Variants in CRAMP1 observed in about 807,000 individuals in gnomAD.
CRAMP1 encodes cramped chromatin regulator 1.
CRAMP1 carries 50 observed loss-of-function variants against 115.4 expected under a neutral mutation model. The observed-to-expected ratio is 0.43, with a 90% CI of 0.35 to 0.55. CRAMP1 has a LOEUF of 0.55. CRAMP1 is among the 20% of genes least tolerant of loss of function. The pLI is 0.01. For missense variants in CRAMP1, 1,679 were observed against 1,721.7 expected (o/e 0.98, Z 0.44); for synonymous variants, 866 against 745.4 (o/e 1.16, Z -2.64).
intron 10 of CRAMP1, among the ~76,000 whole-genome samples, chr16:1,659,671 G>A (rs1265484603): frequency 3.3e-5 from 5 of 152,226 alleles, no homozygotes; most frequent in Admixed American, 1.3e-4. Flanking sequence ...ACAGGCGTGA[G>A]CCACCGCACC....
At position 1,656,888 on chromosome 16, in the gene CRAMP1, G is replaced by A. The variant is rs545529729; in HGVS notation, c.2131G>A (p.Gly711Ser). Residue 711 changes from glycine (G) to serine (S), a missense_variant, in exon 10 of 21, where the codon GGC becomes AGC. Gly to Ser is a moderately conservative substitution (Grantham distance 56). Coordinates refer to ENST00000397412, the MANE Select transcript of CRAMP1 (RefSeq NM_020825.4). This position sits in a 1 kb window ranked among gnomAD's most constrained non-coding sequence, Gnocchi z 5.6. ...GCTGGAGTACGACTGGCTGGGGCCC[G>A]GCCGCCAGGACCCCCGCCCCGGCTC... is the stretch of plus-strand genomic sequence containing the variant. ...LQLEYDWLGP[G>S]RQDPRPGSLP... is the part of the protein sequence containing the mutation. 38 of 1,550,958 alleles carry A rather than the reference G, an allele frequency of 2.5e-5. No individual in the cohort carries two copies. Among genetic ancestry groups the A allele is most frequent in the African/African-American group, 1.1e-4 (8 of 73,130 alleles).
At position 1,675,725 on chromosome 16, in the gene CRAMP1, C is replaced by T. The variant is rs992634500; in HGVS notation, c.*1680C>T. On this transcript the variant is annotated 3_prime_UTR_variant, in exon 21 of 21. Coordinates refer to ENST00000397412, the MANE Select transcript of CRAMP1 (RefSeq NM_020825.4). ...GCAAGAGCTTCCTTCTTTTGTCTCACGAGTTTTTCTTAGAGCTCTTGCCTG... is the reference window on the plus strand; with the variant it reads ...GCAAGAGCTTCCTTCTTTTGTCTCATGAGTTTTTCTTAGAGCTCTTGCCTG... 2 of 152,278 alleles carry T rather than the reference C, an allele frequency of 1.3e-5. No homozygotes were observed. Among genetic ancestry groups the T allele is most frequent in the Non-Finnish European group, 2.9e-5 (2 of 68,072 alleles). The allele number at this position is 152,278 out of a possible 1,614,324, so 9.4% of individuals were successfully genotyped here.
chr16:1,614,055 A>C lies in CRAMP1; in HGVS notation c.-1-584A>C, dbSNP rs185269714. On this transcript the variant is annotated intron_variant, in intron 1 of 20. Coordinates refer to ENST00000397412, the MANE Select transcript of CRAMP1 (RefSeq NM_020825.4). This position sits in a 1 kb window ranked among gnomAD's most constrained non-coding sequence, Gnocchi z 4.4. ...GCCTCCTCTGTCCTCCTCCAGGGCCAGCTCTGGGGGCCGGCGCGTGGGGCA... is the reference window on the plus strand; with the variant it reads ...GCCTCCTCTGTCCTCCTCCAGGGCCCGCTCTGGGGGCCGGCGCGTGGGGCA... 0.011 allele frequency among the ~76,000 whole-genome samples: 1,467 copies of C among 137,240 alleles called. 30 individuals carry two copies. The highest frequency in any genetic ancestry group is 0.038 in the African/African-American group (1,397 of 36,962). The allele number at this position is 137,240 out of a possible 152,430, so 90.0% of individuals were successfully genotyped here. A position where few individuals can be genotyped will look rare whatever the true frequency, so the allele number is the denominator to read the frequency against.
At position 1,676,406 on chromosome 16, in the gene CRAMP1, A is replaced by G. The variant is rs2036968371; in HGVS notation, c.*2361A>G. On this transcript the variant is annotated 3_prime_UTR_variant, in exon 21 of 21. Coordinates refer to ENST00000397412, the MANE Select transcript of CRAMP1 (RefSeq NM_020825.4). ...CATTTGCTTGCCACATTAAGGGAAA[A>G]TGGTGTCATTTGTTGCAGAAAAACA... The G allele has an allele frequency of 6.6e-6, 1 of 152,242 alleles. No individual in the cohort carries two copies. The highest frequency in any genetic ancestry group is 1.5e-5 in the Non-Finnish European group (1 of 68,032). The allele number at this position is 152,242 out of a possible 1,614,324, so 9.4% of individuals were successfully genotyped here.
Position 1,656,750 on chromosome 16 carries a change from C to T in CRAMP1, c.1993C>T (p.Pro665Ser), listed in dbSNP as rs368418963. ...TGCCGCCAGGCCCCCGAAGGAGGTC[C>T]CCGCCAGCCGGCTGGCTCAGCAGCT... ...QPAARPPKEV[P>S]ASRLAQQLRE... Residue 665 changes from proline (P) to serine (S), a missense_variant, in exon 10 of 21, where the codon CCC (proline) becomes TCC (serine). Physicochemically the swap from Pro to Ser is moderately conservative, Grantham distance 74. Around this residue, in one of 8 missense-constraint regions of CRAMP1, gnomAD observed 405 missense variants for 302.6 expected, o/e 1.34. Coordinates refer to ENST00000397412, the MANE Select transcript of CRAMP1 (RefSeq NM_020825.4). This position sits in a 1 kb window ranked among gnomAD's most constrained non-coding sequence, Gnocchi z 5.6. The T allele has an allele frequency of 5.1e-5, 79 of 1,548,778 alleles. No homozygotes were observed. In the East Asian group the frequency reaches 5.9e-4, roughly 12 times the overall value.
At chr16:1,652,650 T>C in intron 7 of CRAMP1, 69 bp downstream of exon 7, 1 of 1,379,508 alleles carries the variant, frequency 7.2e-7, no homozygotes, top group Middle Eastern at 2.2e-4. Context: ...ATGGGCAGGC[T>C]GAGCTACCGG....
intron 13 of CRAMP1, among the ~76,000 whole-genome samples, chr16:1,663,531 C>T (rs184681580): frequency 1.6e-4 from 24 of 152,262 alleles, no homozygotes; most frequent in Admixed American, 1.6e-3. Context: ...AAAACTATGG[C>T]CCAGGGACCA....
intron 6 of CRAMP1, among the ~76,000 whole-genome samples, chr16:1,651,389 G>T (rs549446138): frequency 1.3e-5 from 2 of 151,734 alleles, no homozygotes; most frequent in East Asian, 2.0e-4. Context: ...TGGACTGAGA[G>T]GTCACGGAGA....
rs1278554804 is a variant in CRAMP1 at position 1,672,739 on chromosome 16, T to C, written c.3646-1142T>C. ...ATGGCCCCTGTCCTCATGAGGCTTCTACTCTAGAGCAGGACGCAGACAATA... is the reference window on the plus strand; with the variant it reads ...ATGGCCCCTGTCCTCATGAGGCTTCCACTCTAGAGCAGGACGCAGACAATA... On this transcript the variant is annotated intron_variant, in intron 20 of 20. Coordinates refer to ENST00000397412, the MANE Select transcript of CRAMP1 (RefSeq NM_020825.4). This position sits in a 1 kb window ranked among gnomAD's most constrained non-coding sequence, Gnocchi z 4.9. 6.6e-6 allele frequency among the ~76,000 whole-genome samples: 1 copy of C among 152,160 alleles called. No homozygotes were observed. Among genetic ancestry groups the C allele is most frequent in the Non-Finnish European group, 1.5e-5 (1 of 68,010 alleles).
At position 1,656,150 on chromosome 16, in the gene CRAMP1, C is replaced by G; in HGVS notation, c.1393C>G (p.Arg465Gly). 1.9e-6 allele frequency: 3 copies of G among 1,607,310 alleles called. No homozygotes were observed. The highest frequency in any genetic ancestry group is 2.5e-6 in the Non-Finnish European group (3 of 1,177,690). Residue 465 changes from arginine to glycine, a missense_variant, in exon 10 of 21, where the codon CGG becomes GGG. Around this residue, in one of 8 missense-constraint regions of CRAMP1, gnomAD observed 191 missense variants for 236.2 expected, o/e 0.81. Transcript: ENST00000397412. The surrounding 1 kb of genome is among the most constrained non-coding windows in gnomAD (Gnocchi z 5.6). ...GGCCCGGGGCCAGGTGAAATGCCCGCGGAGCGGAGCTGAGGGCAAGGGTGT... is the reference window on the plus strand; with the variant it reads ...GGCCCGGGGCCAGGTGAAATGCCCGGGGAGCGGAGCTGAGGGCAAGGGTGT... ...GTARGQVKCPRSGAEGKGVGR... is the reference protein window; with the variant it reads ...GTARGQVKCPGSGAEGKGVGR...
intron 10 of CRAMP1, among the ~76,000 whole-genome samples, chr16:1,658,734 G>T (rs552368504): frequency 1.3e-5 from 2 of 152,346 alleles, no homozygotes; most frequent in South Asian, 4.1e-4. Context: ...GCATAGGAAG[G>T]GTCATGAGGT....
intron 6 of CRAMP1, among the ~76,000 whole-genome samples, chr16:1,650,245 T>C (rs537398647): frequency 6.6e-6 from 1 of 152,304 alleles, no homozygotes. Context: ...ATGTGGAGAT[T>C]GTGGTGTCAC....
Position 1,655,922 on chromosome 16 carries a change from C to G in CRAMP1, c.1165C>G (p.Pro389Ala), listed in dbSNP as rs2036767570. Residue 389 changes from proline (P) to alanine (A), a missense_variant, in exon 10 of 21, where the codon CCG becomes GCG. Coordinates refer to ENST00000397412, the MANE Select transcript of CRAMP1 (RefSeq NM_020825.4). The stretch of plus-strand genomic sequence containing the variant: ...GCAGCTGCAGGACTCATGCTCCGCA[C>G]CGATGCAGGAGAAGGTGACACTGCA... ...ERQLQDSCSA[P>A]MQEKVTLHLF... 4 of 1,612,824 alleles carry G rather than the reference C, an allele frequency of 2.5e-6. No homozygotes were observed. In the African/African-American group the frequency reaches 4.0e-5, roughly 16 times the overall value.
intron 2 of CRAMP1, among the ~76,000 whole-genome samples, chr16:1,621,711 G>A (rs181279542): frequency 3.9e-4 from 59 of 152,176 alleles, no homozygotes; most frequent in African/African-American, 1.3e-3. Context: ...AGTTCCACAC[G>A]GTTCTTGCTT....
Position 1,671,185 on chromosome 16 carries a change from G to T in CRAMP1, c.3645+376G>T, listed in dbSNP as rs1247088040. Among the ~76,000 whole-genome samples the T allele has an allele frequency of 1.3e-5, 2 of 152,130 alleles. No individual in the cohort carries two copies. The highest frequency in any genetic ancestry group is 4.8e-5 in the African/African-American group (2 of 41,412). On this transcript the variant is annotated intron_variant, in intron 20 of 20. Transcript: ENST00000397412. The surrounding 1 kb of genome is among the most constrained non-coding windows in gnomAD (Gnocchi z 5.0). ...AGTGTTGTGGAGGGAGGAGTAAGGG[G>T]TGGTGGCAGCAGTTGTGTTGTCAGT...
chr16:1,662,169 G>A (rs1220369173), intron 11 of CRAMP1, among the ~76,000 whole-genome samples: 2 of 152,116 alleles, frequency 1.3e-5, no homozygotes, highest in Non-Finnish European at 2.9e-5. Flanking sequence ...GGTCTCCCCT[G>A]GAGACACTGA....
intron 2 of CRAMP1, among the ~76,000 whole-genome samples, chr16:1,617,707 A>G (rs1359830024): frequency 6.6e-6 from 1 of 152,218 alleles, no homozygotes; most frequent in African/African-American, 2.4e-5. Context: ...TGTGGAGAAA[A>G]GGAAAGTCTG....
Position 1,676,727 on chromosome 16 carries a change from G to C in CRAMP1, c.*2682G>C, listed in dbSNP as rs570375561. ...TGGGACAGAGCATCTGTGGTCCAGGGAAGTTAGTCCTCTGGCCTCAATTCT... is the reference window on the plus strand; with the variant it reads ...TGGGACAGAGCATCTGTGGTCCAGGCAAGTTAGTCCTCTGGCCTCAATTCT... On this transcript the variant is annotated 3_prime_UTR_variant, in exon 21 of 21. Transcript: ENST00000397412. The C allele has an allele frequency of 1.3e-5, 2 of 152,374 alleles. No homozygotes were observed. Among genetic ancestry groups the C allele is most frequent in the South Asian group, 2.1e-4 (1 of 4,828 alleles). 9.4% of individuals were successfully genotyped at this position (152,374 alleles called of 1,614,324 possible). A position where few individuals can be genotyped will look rare whatever the true frequency, so the allele number is the denominator to read the frequency against.
chr16:1,615,941 A>C (rs1212268901), intron 2 of CRAMP1, among the ~76,000 whole-genome samples: 2 of 152,236 alleles, frequency 1.3e-5, no homozygotes, highest in Non-Finnish European at 2.9e-5. Context: ...TGACAAGGAA[A>C]TATATTACGA....
Sources: allele counts gnomAD v4.1 joint callset (sites outside exome capture counted in the v4.1 genomes callset), GRCh38; gene constraint gnomAD v4.1.1; regional missense constraint gnomAD v4.1.1; non-coding constraint Gnocchi (gnomAD v3.1); transcripts MANE v1.5; gene names NCBI Gene and HGNC (gene_info 2026-07-23, HGNC 2026-07-21).